NPC2: variants seen among roughly 807,000 people sequenced by gnomAD.
NPC2 encodes NPC intracellular cholesterol transporter 2.
A neutral mutation model predicts 17.0 loss-of-function variants in NPC2; 14 were observed. The observed-to-expected ratio is 0.82, with a 90% CI of 0.54 to 1.29. NPC2 has a LOEUF of 1.29. NPC2 is among the 50% of genes most tolerant of loss of function. The pLI is 0.00. For missense variants in NPC2, 167 were observed against 183.4 expected (o/e 0.91, Z 0.52); for synonymous variants, 75 against 69.3 (o/e 1.08, Z -0.41).
upstream of NPC2, chr14:74,493,354 G>A (rs1169345980): frequency 1.9e-6 from 3 of 1,563,166 alleles, no homozygotes; most frequent in Non-Finnish European, 2.6e-6. This position sits in a 1 kb window ranked among gnomAD's most constrained non-coding sequence, Gnocchi z 4.1. Context: ...GGGCGGGCCC[G>A]GGGAGGAGCC....
At chr14:74,491,106 C>T (rs1345986794) in intron 1 of NPC2, among the ~76,000 whole-genome samples, 1 of 152,078 alleles carries the variant, frequency 6.6e-6, no homozygotes, top group African/African-American at 2.4e-5. Flanking sequence ...CGGAGTCTTG[C>T]TCTGTCGCCA....
chr14:74,487,675 T>G (rs759780487), intron 1 of NPC2, among the ~76,000 whole-genome samples: 1 of 152,238 alleles, frequency 6.6e-6, no homozygotes, highest in Non-Finnish European at 1.5e-5. Flanking sequence ...AAGTTCTACA[T>G]GAGCAAACAC....
At chr14:74,480,497 C>CTTT in intron 4 of NPC2, 4 of 695,312 alleles carry the variant, frequency 5.8e-6, no homozygotes, top group Non-Finnish European at 2.6e-6. Flanking sequence ...TTCCTTCAAC[C>CTTT]TTTTTTTTTT....
In NPC2 at chr14:74,484,484, G is replaced by A. The variant is rs1192101137; in HGVS notation, c.294C>T (p.Asn98=). 1 of 1,614,098 alleles carries A rather than the reference G, an allele frequency of 6.2e-7. No homozygotes were observed. Among genetic ancestry groups the A allele is most frequent in the Admixed American group, 1.7e-5 (1 of 60,010 alleles). Residue 98 remains asparagine (N), a synonymous_variant, in exon 3 of 5, where the codon AAC becomes AAT. Coordinates refer to ENST00000555619, the MANE Select transcript of NPC2 (RefSeq NM_006432.5). Reference sequence around the variant, plus strand: ...AGGTCTTGTCTTTTTGGATAGGGCAGTTAATTCCACTCTTACAACCATCAG... The same window carrying A: ...AGGTCTTGTCTTTTTGGATAGGGCAATTAATTCCACTCTTACAACCATCAG... ...PEPDGCKSGI[N]CPIQKDKTYS...
chr14:74,488,468 CA>C (rs1935300869), intron 1 of NPC2, among the ~76,000 whole-genome samples: 2 of 152,208 alleles, frequency 1.3e-5, no homozygotes, highest in Non-Finnish European at 2.9e-5. Flanking sequence ...ATAATCCCAG[CA>C]CTTTGGGAGG....
At chr14:74,483,885 T>A (rs1342655446) in intron 3 of NPC2, among the ~76,000 whole-genome samples, 1 of 152,244 alleles carries the variant, frequency 6.6e-6, no homozygotes, top group Non-Finnish European at 1.5e-5. Flanking sequence ...ATACTTTATA[T>A]CTGTAATGAT....
intron 1 of NPC2, among the ~76,000 whole-genome samples, chr14:74,487,978 A>G (rs1237978423): frequency 6.6e-6 from 1 of 152,194 alleles, no homozygotes; most frequent in Non-Finnish European, 1.5e-5. Context: ...CGAAGACTCA[A>G]TGGGTGGGCC....
chr14:74,488,668 T>C (rs936895361), intron 1 of NPC2, among the ~76,000 whole-genome samples: 14 of 152,058 alleles, frequency 9.2e-5, no homozygotes, highest in African/African-American at 3.4e-4. Flanking sequence ...GAGCCGAGAT[T>C]GCGCCACTGC....
intron 1 of NPC2, among the ~76,000 whole-genome samples, chr14:74,492,066 C>T (rs1239500062): frequency 1.3e-5 from 2 of 152,074 alleles, no homozygotes; most frequent in African/African-American, 4.8e-5. Flanking sequence ...ATGACACCAC[C>T]CAGAGGTCAG....
chr14:74,483,223 G>A (rs183253256), intron 3 of NPC2: 64 of 897,636 alleles, frequency 7.1e-5, no homozygotes, highest in Admixed American at 1.9e-5. Flanking sequence ...TTCAGTCCAC[G>A]TTTGACTTAC....
chr14:74,481,180 C>T (rs1350908498), intron 3 of NPC2, among the ~76,000 whole-genome samples: 3 of 152,204 alleles, frequency 2.0e-5, no homozygotes, highest in African/African-American at 7.2e-5. Flanking sequence ...GAAGATCCCT[C>T]ATGAACGGCT....
Position 74,493,259 on chromosome 14 carries a change from C to G in NPC2, c.16G>C (p.Ala6Pro). The change falls in exon 1 of 5, where the codon GCT becomes CCT. Residue 6 changes from alanine (A) to proline (P), a missense_variant. Physicochemically the swap from Ala to Pro is conservative, Grantham distance 27. Coordinates refer to ENST00000555619, the MANE Select transcript of NPC2 (RefSeq NM_006432.5). This position sits in a 1 kb window ranked among gnomAD's most constrained non-coding sequence, Gnocchi z 4.1. ...CTGAGCGCCAGGAGCAGGAATGTAG[C>G]TGCCAGGAAACGCATCGCGGATAAC... MRFLA[A>P]TFLLLALSTA... is the part of the protein sequence containing the mutation. 6.2e-7 allele frequency: 1 copy of G among 1,613,378 alleles called. No individual in the cohort carries two copies. The highest frequency in any genetic ancestry group is 2.2e-5 in the East Asian group (1 of 44,854).
At chr14:74,484,118 C>T (rs1160475426) in intron 3 of NPC2, among the ~76,000 whole-genome samples, 3 of 152,134 alleles carry the variant, frequency 2.0e-5, no homozygotes, top group Admixed American at 6.5e-5. Flanking sequence ...TTGTGTTTTA[C>T]TGTCAGATTA....
rs945231841 is a variant in NPC2 at position 74,480,207 on chromosome 14, G to A, written c.*67C>T. On this transcript the variant is annotated 3_prime_UTR_variant, in exon 5 of 5. Transcript: ENST00000555619. The stretch of plus-strand genomic sequence containing the variant: ...GCAAGTCACTGTTGTTGAAGCAGCA[G>A]AGCTGGAGGTGCTGTCAAGAGTCTC... 9 of 1,614,048 alleles carry A rather than the reference G, an allele frequency of 5.6e-6. No individual in the cohort carries two copies. The highest frequency in any genetic ancestry group is 7.6e-6 in the Non-Finnish European group (9 of 1,180,020).
intron 1 of NPC2, among the ~76,000 whole-genome samples, chr14:74,490,790 TG>T (rs2086763283): frequency 6.6e-6 from 1 of 152,266 alleles, no homozygotes; most frequent in South Asian, 2.1e-4. Context: ...ATGTGGGCAC[TG>T]AAGTCTTTAT....
intron 1 of NPC2, 136 bp from the exon 2 acceptor site, chr14:74,486,572 G>T: frequency 1.4e-6 from 1 of 719,544 alleles, no homozygotes; most frequent in Non-Finnish European, 2.5e-6. Context: ...TTCCCAGGAT[G>T]GAATCTTTAA....
chr14:74,488,999 CA>C (rs879872087), intron 1 of NPC2, among the ~76,000 whole-genome samples: 77 of 152,302 alleles, frequency 5.1e-4, no homozygotes, highest in Admixed American at 3.9e-3. Flanking sequence ...ATTTTGGCTC[CA>C]AAAACAACAG....
chr14:74,483,357 CA>C, intron 3 of NPC2: 1 of 1,396,914 alleles, frequency 7.2e-7, no homozygotes, highest in Non-Finnish European at 1.0e-6. Flanking sequence ...CAGAATTTAG[CA>C]TGACAGTGAT....
chr14:74,483,258 T>G (rs1244133223), intron 3 of NPC2: 3 of 1,027,826 alleles, frequency 2.9e-6, no homozygotes, highest in Non-Finnish European at 4.5e-6. Context: ...CAGATTTTAC[T>G]GGTTAAGGAC....
Sources: gnomAD v4.1 joint callset for allele counts (sites outside exome capture counted in the v4.1 genomes callset) on GRCh38, gnomAD v4.1.1 for gene constraint, Gnocchi (gnomAD v3.1) non-coding constraint, MANE v1.5 for transcripts, NCBI Gene and HGNC (gene_info 2026-07-23, HGNC 2026-07-21) for gene names.